ECM2: variants seen among roughly 807,000 people sequenced by gnomAD.
The protein encoded by ECM2 is extracellular matrix protein 2, female organ and adipocyte specific.
A neutral mutation model predicts 67.5 loss-of-function variants in ECM2; 57 were observed. The ratio of observed to expected loss-of-function variants is 0.84; its 90% confidence interval spans 0.68 to 1.05. The LOEUF (loss-of-function observed/expected upper bound fraction) is 1.05, where lower values mean the gene tolerates loss of function less well. ECM2 is among the 50% of genes least tolerant of loss of function. The probability of loss-of-function intolerance (pLI) is 0.00; values close to 1 mark genes in which losing one functional copy is unlikely to be tolerated. For missense variants in ECM2, 741 were observed against 822.8 expected, an observed-to-expected ratio of 0.90 and a Z score of 1.22; for synonymous variants, 258 against 294.5, an observed-to-expected ratio of 0.88 and a Z score of 1.27.
chr9:92,528,968 A>G (rs1306025990), intron 1 of ECM2, among the ~76,000 whole-genome samples: 2 of 152,230 alleles, frequency 1.3e-5, no homozygotes, highest in African/African-American at 2.4e-5. Flanking sequence ...CCTATATTCT[A>G]TATGTTCAAG....
Position 92,522,657 on chromosome 9 carries a change from A to T in ECM2, c.210T>A (p.Val70=). The part of the protein sequence containing the change: ...VFTPVARLPI[V]NFDYSMEEKF... ...TTTCCTCCATGCTATAATCAAAGTT[A>T]ACAATAGGAAGTCTTGCTACTGGTG... Residue 70 remains valine, a synonymous_variant, in exon 2 of 10, where the codon GTT becomes GTA. Transcript: ENST00000344604. 1 of 1,614,104 alleles carries T rather than the reference A, an allele frequency of 6.2e-7. No individual in the cohort carries two copies. The highest frequency in any genetic ancestry group is 8.5e-7 in the Non-Finnish European group (1 of 1,180,010).
upstream of ECM2, among the ~76,000 whole-genome samples, chr9:92,538,211 G>A (rs983243490): frequency 3.9e-5 from 6 of 152,156 alleles, no homozygotes; most frequent in Non-Finnish European, 7.4e-5. Context: ...AACAAAGTGG[G>A]CTTACCATAA....
At chr9:92,515,726 A>G (rs1394950921) in intron 3 of ECM2, among the ~76,000 whole-genome samples, 2 of 152,220 alleles carry the variant, frequency 1.3e-5, no homozygotes, top group Non-Finnish European at 2.9e-5. Context: ...ATTTTTGTCC[A>G]TGGCATCATA....
chr9:92,504,880 C>G (rs1846904717), intron 7 of ECM2, among the ~76,000 whole-genome samples: 1 of 152,190 alleles, frequency 6.6e-6, no homozygotes, highest in South Asian at 2.1e-4. Flanking sequence ...TGTTGACATT[C>G]ATCAGCCAAA....
chr9:92,502,450 CTGTT>C, intron 8 of ECM2, 59 bp downstream of exon 8: 1 of 1,571,888 alleles, frequency 6.4e-7, no homozygotes, highest in Non-Finnish European at 8.7e-7. Flanking sequence ...TTTCCATACT[CTGTT>C]TAATAATAGC....
At chr9:92,534,939 G>C (rs976495851) in intron 1 of ECM2, among the ~76,000 whole-genome samples, 1 of 152,074 alleles carries the variant, frequency 6.6e-6, no homozygotes, top group Non-Finnish European at 1.5e-5. Flanking sequence ...CTCTCATGAG[G>C]GTCTCAGGCA....
chr9:92,548,286 A>G, the ECM2 span, among the ~76,000 whole-genome samples: 6,065 of 152,278 alleles, frequency 0.04, 186 homozygotes, highest in South Asian at 0.098. Context: ...ATGGAGCTCT[A>G]CTTCAAAGAA....
chr9:92,509,559 G>A (rs924094792), intron 6 of ECM2, among the ~76,000 whole-genome samples: 21 of 152,142 alleles, frequency 1.4e-4, no homozygotes, highest in South Asian at 6.2e-4. Context: ...CAAAATTGTC[G>A]ATCCATAACA....
At chr9:92,521,128 A>G (rs1400000681) in intron 2 of ECM2, among the ~76,000 whole-genome samples, 1 of 152,254 alleles carries the variant, frequency 6.6e-6, no homozygotes, top group Non-Finnish European at 1.5e-5. Flanking sequence ...TGATACAATC[A>G]AAAAGTACTG....
the ECM2 span, among the ~76,000 whole-genome samples, chr9:92,550,407 T>G: frequency 7.1e-6 from 1 of 140,960 alleles, no homozygotes. Flanking sequence ...AAAAAAAAAA[T>G]GGTGTCATTG....
intron 6 of ECM2, among the ~76,000 whole-genome samples, chr9:92,507,782 CCT>C (rs896757598): frequency 1.3e-5 from 2 of 151,802 alleles, no homozygotes; most frequent in African/African-American, 4.8e-5. Context: ...ACCTTTCACA[CCT>C]CTCTCTCAAT....
chr9:92,531,420 C>T (rs1409154281), intron 1 of ECM2, among the ~76,000 whole-genome samples: 1 of 152,090 alleles, frequency 6.6e-6, no homozygotes, highest in Non-Finnish European at 1.5e-5. Flanking sequence ...TGTTTCAGTT[C>T]TGTGTTTTAA....
At chr9:92,557,427 T>TCA in the ECM2 span, among the ~76,000 whole-genome samples, 1 of 152,244 alleles carries the variant, frequency 6.6e-6, no homozygotes, top group African/African-American at 2.4e-5. Flanking sequence ...TTCAAGCTTT[T>TCA]AGAATTCTCT....
At chr9:92,515,545 T>C (rs1043350739) in intron 3 of ECM2, among the ~76,000 whole-genome samples, 1 of 152,158 alleles carries the variant, frequency 6.6e-6, no homozygotes, top group African/African-American at 2.4e-5. Flanking sequence ...TGTTGTGAGA[T>C]TGTGTTATAA....
intron 3 of ECM2, 36 bp downstream of exon 3, chr9:92,517,651 C>A: frequency 6.2e-7 from 1 of 1,611,878 alleles, no homozygotes; most frequent in Non-Finnish European, 8.5e-7. Context: ...AAAGATTAAT[C>A]ACACACTGAT....
upstream of ECM2, among the ~76,000 whole-genome samples, chr9:92,538,187 G>C (rs186904131): frequency 6.0e-4 from 92 of 152,298 alleles, no homozygotes; most frequent in African/African-American, 2.1e-3. Flanking sequence ...TAACCCAGTT[G>C]TGTATAGATA....
At chr9:92,499,791 A>G (rs1227219596) in intron 9 of ECM2, among the ~76,000 whole-genome samples, 1 of 152,238 alleles carries the variant, frequency 6.6e-6, no homozygotes, top group Non-Finnish European at 1.5e-5. Flanking sequence ...AGAAGGGGAA[A>G]GACTAAGAGG....
chr9:92,522,489 C>G, intron 2 of ECM2, 86 bp downstream of exon 2: 93 of 1,181,120 alleles, frequency 7.9e-5, no homozygotes, highest in Non-Finnish European at 8.5e-5. Flanking sequence ...GAGATGTTCT[C>G]CCTCTCTCCC....
chr9:92,496,567 A>T lies in ECM2; in HGVS notation c.1932-84T>A, dbSNP rs1846357185. The T allele has an allele frequency of 2.6e-6, 4 of 1,527,062 alleles. No individual in the cohort carries two copies. In the South Asian group the frequency reaches 3.8e-5, roughly 14 times the overall value. The allele number at this position is 1,527,062 out of a possible 1,614,324, so 94.6% of individuals were successfully genotyped here. On this transcript the variant is annotated intron_variant, in intron 9 of 9. Transcript: ENST00000344604. ...GTTAAGTTTAACATTTGTTAAAAAAATTTTGTTCTTAAAATAAAGTTGGAT... is the reference window on the plus strand; with the variant it reads ...GTTAAGTTTAACATTTGTTAAAAAATTTTTGTTCTTAAAATAAAGTTGGAT...
Sources: allele counts gnomAD v4.1 joint callset (sites outside exome capture counted in the v4.1 genomes callset), GRCh38; gene constraint gnomAD v4.1.1; transcripts MANE v1.5; gene names NCBI Gene and HGNC (gene_info 2026-07-23, HGNC 2026-07-21).